Variants in AKT3 observed in about 807,000 individuals in gnomAD.
AKT3 encodes the protein RAC-gamma serine/threonine-protein kinase.
A neutral mutation model predicts 65.3 loss-of-function variants in AKT3; 15 were observed. The observed-to-expected ratio is 0.23, with a 90% CI of 0.15 to 0.35. AKT3 has a LOEUF of 0.35. AKT3 is among the 10% of genes least tolerant of loss of function. The probability of loss-of-function intolerance (pLI) is 1.00; values close to 1 mark genes in which losing one functional copy is unlikely to be tolerated. For missense variants in AKT3, 243 were observed against 576.5 expected (o/e 0.42, Z 5.92); for synonymous variants, 206 against 183.8 (o/e 1.12, Z -0.98).
downstream of AKT3, among the ~76,000 whole-genome samples, chr1:243,496,261 G>A (rs1025597482): frequency 9.9e-5 from 15 of 152,184 alleles, no homozygotes; most frequent in Admixed American, 7.2e-4. Flanking sequence ...GCAGGTACCC[G>A]AGCGGGTGCG....
chr1:243,837,530 A>G (rs1025481908), intron 2 of AKT3, among the ~76,000 whole-genome samples: 1 of 152,234 alleles, frequency 6.6e-6, no homozygotes, highest in Non-Finnish European at 1.5e-5. Context: ...CCTTAGCAAA[A>G]TATCAGTAAG....
intron 12 of AKT3, among the ~76,000 whole-genome samples, chr1:243,544,401 T>C (rs903319270): frequency 2.6e-5 from 4 of 151,922 alleles, no homozygotes; most frequent in Non-Finnish European, 4.4e-5. Flanking sequence ...GGAGAGAGGA[T>C]TGTTTGAGCC....
intron 8 of AKT3, among the ~76,000 whole-genome samples, chr1:243,584,985 C>T (rs1041961342): frequency 3.9e-5 from 6 of 151,942 alleles, no homozygotes; most frequent in Non-Finnish European, 5.9e-5. Context: ...GATAATGATT[C>T]GATACTCAGG....
intron 5 of AKT3, among the ~76,000 whole-genome samples, chr1:243,638,680 C>G (rs1680152732): frequency 6.6e-6 from 1 of 151,892 alleles, no homozygotes; most frequent in Non-Finnish European, 1.5e-5. Flanking sequence ...TTATAAATAT[C>G]AAATAAGTAT....
At chr1:243,572,538 C>A (rs1674637083) in intron 9 of AKT3, among the ~76,000 whole-genome samples, 2 of 152,094 alleles carry the variant, frequency 1.3e-5, no homozygotes, top group African/African-American at 4.8e-5. Flanking sequence ...TATTTAAAAC[C>A]ACCCAAAGTT....
Position 243,500,475 on chromosome 1 carries a change from C to CTT in AKT3, c.*4772_*4773dup. On this transcript the variant is annotated 3_prime_UTR_variant, in exon 14 of 14. Transcript: ENST00000673466. Reference sequence around the variant, plus strand: ...GTACTTAGTGAAATTAGAAAATTTACTTAGAGTATATCAAATATCTGTACA... The same window carrying CTT: ...GTACTTAGTGAAATTAGAAAATTTACTTTTAGAGTATATCAAATATCTGTACA... The CTT allele has an allele frequency of 4.4e-6, 1 of 225,946 alleles. No individual in the cohort carries two copies. Among genetic ancestry groups the CTT allele is most frequent in the Non-Finnish European group, 8.8e-6 (1 of 113,696 alleles). 14.0% of individuals were successfully genotyped at this position (225,946 alleles called of 1,614,324 possible).
At chr1:243,680,853 C>A (rs1262499343) in intron 3 of AKT3, among the ~76,000 whole-genome samples, 1 of 152,064 alleles carries the variant, frequency 6.6e-6, no homozygotes, top group African/African-American at 2.4e-5. Flanking sequence ...TGCTGTTTCC[C>A]TAAATGGAAT....
At chr1:243,746,945 C>T (rs138245636) in intron 2 of AKT3, among the ~76,000 whole-genome samples, 61 of 152,180 alleles carry the variant, frequency 4.0e-4, no homozygotes, top group Admixed American at 1.4e-3. Context: ...AGCTGCCATG[C>T]TGAGTTTAAC....
chr1:243,617,477 T>C (rs1202594508), intron 6 of AKT3, among the ~76,000 whole-genome samples: 1 of 151,828 alleles, frequency 6.6e-6, no homozygotes, highest in Admixed American at 6.6e-5. Flanking sequence ...ATAAGGTAAC[T>C]TAATAAAAAA....
At chr1:243,530,160 T>C (rs1421130696) in intron 12 of AKT3, among the ~76,000 whole-genome samples, 2 of 152,234 alleles carry the variant, frequency 1.3e-5, no homozygotes, top group South Asian at 2.1e-4. Context: ...TCCTGAGATA[T>C]TGCTTATGTT....
intron 2 of AKT3, among the ~76,000 whole-genome samples, chr1:243,732,107 G>A (rs923780729): frequency 6.6e-6 from 1 of 152,040 alleles, no homozygotes. Flanking sequence ...GGACAACAGT[G>A]AGATCATGTA....
At chr1:243,606,323 C>T (rs1284724190) in intron 8 of AKT3, among the ~76,000 whole-genome samples, 1 of 152,202 alleles carries the variant, frequency 6.6e-6, no homozygotes, top group East Asian at 1.9e-4. Context: ...TTCCTAGAGA[C>T]TTGTTGAATA....
intron 5 of AKT3, among the ~76,000 whole-genome samples, chr1:243,639,347 T>C (rs1307387809): frequency 6.6e-6 from 1 of 152,122 alleles, no homozygotes; most frequent in Non-Finnish European, 1.5e-5. Flanking sequence ...TTTCTGAAAA[T>C]TAAAATGAGG....
At chr1:243,820,814 T>C (rs938949447) in intron 2 of AKT3, among the ~76,000 whole-genome samples, 4 of 152,142 alleles carry the variant, frequency 2.6e-5, no homozygotes, top group Admixed American at 2.6e-4. Context: ...CTGATTAGGG[T>C]ACCTGAAAGA....
intron 5 of AKT3, among the ~76,000 whole-genome samples, chr1:243,639,686 C>A (rs906237809): frequency 1.3e-5 from 2 of 152,202 alleles, no homozygotes; most frequent in Non-Finnish European, 2.9e-5. Flanking sequence ...GAATTCCCTG[C>A]CCCTTCACCA....
rs867808402 is a variant in AKT3, at chr1:243,686,649, A to T, written c.172+8942T>A. ...TGTTTTCATATATATATATATATAT[A>T]TATTTTTTTTTTTTTTTTTTTTTTT... On this transcript the variant is annotated intron_variant, in intron 3 of 13. Coordinates refer to ENST00000673466, the MANE Select transcript of AKT3 (RefSeq NM_005465.7). Among the ~76,000 whole-genome samples, 30 of 22,482 alleles carry T rather than the reference A, an allele frequency of 1.3e-3. 1 individual carries two copies. Among genetic ancestry groups the T allele is most frequent in the South Asian group, 2.8e-3 (2 of 718 alleles). The allele number at this position is 22,482 out of a possible 152,430, so 14.7% of individuals were successfully genotyped here. A position where few individuals can be genotyped will look rare whatever the true frequency, so the allele number is the denominator to read the frequency against.
At chr1:243,725,950 T>A (rs929709147) in intron 2 of AKT3, among the ~76,000 whole-genome samples, 2 of 152,230 alleles carry the variant, frequency 1.3e-5, no homozygotes, top group African/African-American at 2.4e-5. Context: ...ATCTGGCACT[T>A]CGTAGAAGAC....
intron 3 of AKT3, among the ~76,000 whole-genome samples, chr1:243,681,284 T>A (rs1683903002): frequency 6.6e-6 from 1 of 152,184 alleles, no homozygotes; most frequent in Admixed American, 6.5e-5. Flanking sequence ...CAGAAGGTAC[T>A]CAACAAGTGG....
At chr1:243,812,186 C>G (rs1260403699) in intron 2 of AKT3, among the ~76,000 whole-genome samples, 5 of 152,142 alleles carry the variant, frequency 3.3e-5, no homozygotes, top group Non-Finnish European at 7.4e-5. Flanking sequence ...TCTAATTAAA[C>G]TAAAGAGCTT....
Sources: gnomAD v4.1 joint callset for allele counts (sites outside exome capture counted in the v4.1 genomes callset) on GRCh38, gnomAD v4.1.1 for gene constraint, MANE v1.5 for transcripts, NCBI Gene and HGNC (gene_info 2026-07-23, HGNC 2026-07-21) for gene names.